TASOR2: variants seen among roughly 807,000 people sequenced by gnomAD.
TASOR2 encodes the protein transcription activation suppressor family member 2.
In TASOR2, 84 loss-of-function variants were observed where a neutral mutation model predicts 199.5. The ratio of observed to expected loss-of-function variants is 0.42; its 90% confidence interval spans 0.35 to 0.50. The LOEUF is 0.50. Among genes scored for constraint, TASOR2 ranks in the 20% least tolerant of loss-of-function variants. The pLI, the probability that TASOR2 is intolerant of heterozygous loss-of-function variation, is 0.02. For missense variants in TASOR2, 2,796 were observed against 2,835.9 expected (o/e 0.99, Z 0.32); for synonymous variants, 1,103 against 1,046.6 (o/e 1.05, Z -1.04).
rs1036093949 is a variant in TASOR2 at position 5,754,868 on chromosome 10, C to A, written c.6607-1745C>A. ...ACCTTCCTGGCTAACACCGTGAAAC[C>A]CCATCTCTACTAAAAATACAAAAAG... On this transcript the variant is annotated intron_variant, in intron 15 of 20. Transcript: ENST00000328090. The surrounding 1 kb of genome is among the most constrained non-coding windows in gnomAD (Gnocchi z 4.3). Among the ~76,000 whole-genome samples the A allele has an allele frequency of 6.6e-6, 1 of 151,452 alleles. No homozygotes were observed. The highest frequency in any genetic ancestry group is 1.5e-5 in the Non-Finnish European group (1 of 67,868).
chr10:5,749,061 G>C, exon 15 of TASOR2: 2 of 1,614,050 alleles, frequency 1.2e-6, no homozygotes, highest in South Asian at 1.1e-5. Context: ...AAGAGGACTG[G>C]GGCTGCTCTA....
Position 5,712,811 on chromosome 10 carries a change from CTCTT to C in TASOR2, c.-287-10_-287-7del. The stretch of plus-strand genomic sequence containing the variant: ...TTATAGCGTTTGGTTATTCTGTTCT[CTCTT>C]TATACAGTACAAAACTTTTTACCAA... On this transcript the variant is annotated splice_region_variant and splice_polypyrimidine_tract_variant and intron_variant, in intron 1 of 20. Transcript: ENST00000328090. 5.9e-6 allele frequency: 7 copies of C among 1,182,050 alleles called. No homozygotes were observed. Among genetic ancestry groups the C allele is most frequent in the Non-Finnish European group, 6.4e-6 (6 of 942,666 alleles). 73.2% of individuals were successfully genotyped at this position (1,182,050 alleles called of 1,614,324 possible). A position where few individuals can be genotyped will look rare whatever the true frequency, so the allele number is the denominator to read the frequency against.
rs1835871109 is a variant in TASOR2 at position 5,738,060 on chromosome 10, CAT to C, written c.1448-1556_1448-1555del. 6.6e-6 allele frequency among the ~76,000 whole-genome samples: 1 copy of C among 152,190 alleles called. No homozygotes were observed. Among genetic ancestry groups the C allele is most frequent in the African/African-American group, 2.4e-5 (1 of 41,450 alleles). On this transcript the variant is annotated intron_variant, in intron 12 of 20. Coordinates refer to ENST00000328090, the Ensembl canonical transcript of TASOR2. The surrounding 1 kb of genome is among the most constrained non-coding windows in gnomAD (Gnocchi z 4.7). ...TCAACGTTTAAGAAGGCAGATGAAA[CAT>C]AGCCACATTGACCTCAGTTTGCAAA...
chr10:5,732,510 A>T (rs934349762), intron 11 of TASOR2, among the ~76,000 whole-genome samples: 1 of 152,240 alleles, frequency 6.6e-6, no homozygotes, highest in Non-Finnish European at 1.5e-5. Flanking sequence ...TGGTAATCCC[A>T]GGATTCTAAA....
chr10:5,729,095 T>C (rs1179577038), intron 10 of TASOR2, among the ~76,000 whole-genome samples: 1 of 152,224 alleles, frequency 6.6e-6, no homozygotes, highest in Non-Finnish European at 1.5e-5. Flanking sequence ...ACGCCTGTAA[T>C]CCCAGCACTT....
intron 1 of TASOR2, chr10:5,712,575 T>C (rs894268049): frequency 1.1e-5 from 14 of 1,230,790 alleles, no homozygotes; most frequent in Non-Finnish European, 1.0e-6. Flanking sequence ...TGGTTTTGTT[T>C]TAGTTTTAAA....
At position 5,758,986 on chromosome 10, in the gene TASOR2, AT is replaced by A. The variant is rs1409317533; in HGVS notation, c.6987del (p.Asp2329GlufsTer13). The A allele has an allele frequency of 6.2e-7, 1 of 1,611,666 alleles. No individual in the cohort carries two copies. The highest frequency in any genetic ancestry group is 8.5e-7 in the Non-Finnish European group (1 of 1,177,846). The stretch of plus-strand genomic sequence containing the variant: ...AGGGAAAATAAAAAGCTAAAAGAAG[AT>A]GAAAGGTAAGGACTTGCTGTGTGTA... On this transcript the variant is annotated frameshift_variant, in exon 18 of 21. Transcript: ENST00000328090. LOFTEE classifies it high-confidence loss of function.
chr10:5,753,728 A>G (rs1838421002), intron 15 of TASOR2, among the ~76,000 whole-genome samples: 1 of 152,066 alleles, frequency 6.6e-6, no homozygotes, highest in Admixed American at 6.5e-5. Flanking sequence ...TCTTTGCTCC[A>G]AGTTCCTTGC....
intron 1 of TASOR2, among the ~76,000 whole-genome samples, chr10:5,694,046 A>C (rs912698093): frequency 2.0e-5 from 3 of 152,142 alleles, no homozygotes; most frequent in Non-Finnish European, 2.9e-5. Context: ...ACTTAAATAG[A>C]TGTCACTAAA....
chr10:5,727,132 A>G lies in TASOR2; in HGVS notation c.487+9A>G, dbSNP rs1206450997. 3 of 1,613,996 alleles carry G rather than the reference A, an allele frequency of 1.9e-6. No individual in the cohort carries two copies. In the South Asian group the frequency reaches 3.3e-5, roughly 18 times the overall value. On this transcript the variant is annotated intron_variant, in intron 10 of 20. Coordinates refer to ENST00000328090, the Ensembl canonical transcript of TASOR2. ...TTCACCCCTGTCAACAGGTGAGGAT[A>G]CAATGGTTTCCAGCTCACTCTGTCT...
Position 5,710,907 on chromosome 10 carries a change from A to G in TASOR2, c.-287-1916A>G, listed in dbSNP as rs1481293323. ...GCTAGCAGTACAGATTATTTGTAAA[A>G]TGAATTTGAAAATGCTCAGGTTTGC... On this transcript the variant is annotated intron_variant, in intron 1 of 20. Coordinates refer to ENST00000328090, the Ensembl canonical transcript of TASOR2. This position sits in a 1 kb window ranked among gnomAD's most constrained non-coding sequence, Gnocchi z 4.6. Among the ~76,000 whole-genome samples, 6 of 152,112 alleles carry G rather than the reference A, an allele frequency of 3.9e-5. No homozygotes were observed. The East Asian group carries it at 9.6e-4, about 24-fold the overall frequency.
At chr10:5,731,679 GATAGCA>G (rs1180633613) in intron 11 of TASOR2, among the ~76,000 whole-genome samples, 1 of 152,168 alleles carries the variant, frequency 6.6e-6, no homozygotes, top group African/African-American at 2.4e-5. Context: ...CTCTGATTGA[GATAGCA>G]ACTGAAAACC....
At chr10:5,716,462 C>T (rs539739473) in intron 2 of TASOR2, among the ~76,000 whole-genome samples, 23 of 152,198 alleles carry the variant, frequency 1.5e-4, no homozygotes, top group African/African-American at 5.1e-4. Flanking sequence ...TTCTAAGGGA[C>T]GTTAAAAGTG....
chr10:5,720,537 C>G lies in TASOR2; in HGVS notation c.-99-7C>G. 1 of 1,582,506 alleles carries G rather than the reference C, an allele frequency of 6.3e-7. No homozygotes were observed. Among genetic ancestry groups the G allele is most frequent in the Non-Finnish European group, 8.6e-7 (1 of 1,164,748 alleles). Reference sequence around the variant, plus strand: ...TACCCTGATAATACTTATTTTTCCTCTTTCAGTATTACTTTTACGAACTTT... The same window carrying G: ...TACCCTGATAATACTTATTTTTCCTGTTTCAGTATTACTTTTACGAACTTT... On this transcript the variant is annotated splice_polypyrimidine_tract_variant and splice_region_variant and intron_variant, in intron 3 of 20. Transcript: ENST00000328090. The surrounding 1 kb of genome is among the most constrained non-coding windows in gnomAD (Gnocchi z 5.3).
In TASOR2 at chr10:5,742,072, A is replaced by C. The variant is rs1653698856; in HGVS notation, c.2328-25A>C. On this transcript the variant is annotated intron_variant, in intron 13 of 20. Coordinates refer to ENST00000328090, the Ensembl canonical transcript of TASOR2. This position sits in a 1 kb window ranked among gnomAD's most constrained non-coding sequence, Gnocchi z 4.2. Reference sequence around the variant, plus strand: ...AAAATAACCATTTTCAATGATTTTCATGTGTTCTTTCTGTAAACTCTTAGG... The same window carrying C: ...AAAATAACCATTTTCAATGATTTTCCTGTGTTCTTTCTGTAAACTCTTAGG... 4 of 1,596,016 alleles carry C rather than the reference A, an allele frequency of 2.5e-6. No individual in the cohort carries two copies. The South Asian group carries it at 3.4e-5, about 14-fold the overall frequency.
chr10:5,750,622 TTTAA>T lies in TASOR2; in HGVS notation c.6606+598_6606+601del, dbSNP rs1175342938. Among the ~76,000 whole-genome samples the T allele has an allele frequency of 6.6e-6, 1 of 152,214 alleles. No individual in the cohort carries two copies. The highest frequency in any genetic ancestry group is 1.9e-4 in the East Asian group (1 of 5,204). On this transcript the variant is annotated intron_variant, in intron 15 of 20. Coordinates refer to ENST00000328090, the Ensembl canonical transcript of TASOR2. This position sits in a 1 kb window ranked among gnomAD's most constrained non-coding sequence, Gnocchi z 5.4. ...CGGGCATAGACAGTATTTTTAAAAA[TTTAA>T]TTGTTTTTAATTTCAAATTTACATA...
rs1251965380 is a variant in TASOR2 at position 5,719,531 on chromosome 10, G to C, written c.-99-1013G>C. Reference sequence around the variant, plus strand: ...CTAATTTTTTTGTATTTTTAGTAAAGGCAGGGTTTCACCATGTTGGCCAGG... The same window carrying C: ...CTAATTTTTTTGTATTTTTAGTAAACGCAGGGTTTCACCATGTTGGCCAGG... On this transcript the variant is annotated intron_variant, in intron 3 of 20. Coordinates refer to ENST00000328090, the Ensembl canonical transcript of TASOR2. This position sits in a 1 kb window ranked among gnomAD's most constrained non-coding sequence, Gnocchi z 4.1. Among the ~76,000 whole-genome samples the C allele has an allele frequency of 6.6e-6, 1 of 151,992 alleles. No individual in the cohort carries two copies. The highest frequency in any genetic ancestry group is 2.4e-5 in the African/African-American group (1 of 41,366).
At chr10:5,695,387 A>C (rs1837027536) in intron 1 of TASOR2, among the ~76,000 whole-genome samples, 1 of 152,240 alleles carries the variant, frequency 6.6e-6, no homozygotes, top group African/African-American at 2.4e-5. Flanking sequence ...TATGCATTTG[A>C]GTAAATGACT....
chr10:5,762,922 T>G, intron 20 of TASOR2, 107 bp from the exon 22 acceptor site: 1 of 1,027,906 alleles, frequency 9.7e-7, no homozygotes, highest in Non-Finnish European at 1.5e-6. Flanking sequence ...GAACATAATG[T>G]AACCTTAGAA....
Sources: gnomAD v4.1 joint callset for allele counts (sites outside exome capture counted in the v4.1 genomes callset) on GRCh38, gnomAD v4.1.1 for gene constraint, Gnocchi (gnomAD v3.1) non-coding constraint, MANE v1.5 for transcripts, NCBI Gene and HGNC (gene_info 2026-07-23, HGNC 2026-07-21) for gene names.